KCNAB2: variants seen among roughly 807,000 people sequenced by gnomAD.
KCNAB2 encodes voltage-gated potassium channel subunit beta-2.
In KCNAB2, 29 loss-of-function variants were observed where a neutral mutation model predicts 63.6. The observed-to-expected ratio is 0.46, with a 90% CI of 0.34 to 0.62. KCNAB2 has a LOEUF of 0.62. KCNAB2 is among the 20% of genes least tolerant of loss of function. The pLI is 0.01. For synonymous variants in KCNAB2, 222 were observed against 224.2 expected, an observed-to-expected ratio of 0.99 and a Z score of 0.09; for missense variants, 359 against 563.9, an observed-to-expected ratio of 0.64 and a Z score of 3.68.
chr1:6,038,042 T>A (rs578100973), intron 1 of KCNAB2, among the ~76,000 whole-genome samples: 86 of 151,604 alleles, frequency 5.7e-4, no homozygotes, highest in Non-Finnish European at 1.2e-3. Flanking sequence ...ACCCAGCTAA[T>A]TTTTTTTGTA....
At chr1:5,992,739 G>A (rs1478709849), upstream of KCNAB2, 1 of 152,256 alleles carries the variant, frequency 6.6e-6, no homozygotes, top group African/African-American at 2.4e-5. Flanking sequence ...GGGGCAGGGC[G>A]GGAAGGAAGA....
Position 6,096,504 on chromosome 1 carries a change from G to A in KCNAB2, c.949-132G>A. On this transcript the variant is annotated intron_variant, in intron 13 of 15. Coordinates refer to ENST00000378083, the MANE Select transcript of KCNAB2 (RefSeq NM_001199862.2). The surrounding 1 kb of genome is among the most constrained non-coding windows in gnomAD (Gnocchi z 5.9). ...AGGCCTGGGGCAGGGGCACTGCCCT[G>A]GCTTCAAGATGAGAAGAGCCCCTAT... 1 of 1,264,318 alleles carries A rather than the reference G, an allele frequency of 7.9e-7. No individual in the cohort carries two copies. Among genetic ancestry groups the A allele is most frequent in the Non-Finnish European group, 1.1e-6 (1 of 930,370 alleles). The allele number at this position is 1,264,318 out of a possible 1,614,324, so 78.3% of individuals were successfully genotyped here. A position where few individuals can be genotyped will look rare whatever the true frequency, so the allele number is the denominator to read the frequency against.
At position 6,086,946 on chromosome 1, in the gene KCNAB2, T is replaced by A. The variant is rs1403333391; in HGVS notation, c.426-521T>A. On this transcript the variant is annotated intron_variant, in intron 6 of 15. Coordinates refer to ENST00000378083, the MANE Select transcript of KCNAB2 (RefSeq NM_001199862.2). The surrounding 1 kb of genome is among the most constrained non-coding windows in gnomAD (Gnocchi z 4.2). Reference sequence around the variant, plus strand: ...ACCAGGCCGTCCCACACAGATTTTCTGCAACACGTGTCACATTCTGTAGGG... The same window carrying A: ...ACCAGGCCGTCCCACACAGATTTTCAGCAACACGTGTCACATTCTGTAGGG... Among the ~76,000 whole-genome samples, 3 of 151,874 alleles carry A rather than the reference T, an allele frequency of 2.0e-5. No individual in the cohort carries two copies. Among genetic ancestry groups the A allele is most frequent in the African/African-American group, 7.3e-5 (3 of 41,296 alleles).
chr1:6,067,777 C>CCT (rs1462501778), intron 2 of KCNAB2, among the ~76,000 whole-genome samples: 4 of 152,116 alleles, frequency 2.6e-5, no homozygotes, highest in African/African-American at 9.7e-5. Flanking sequence ...TGCCTGTGAT[C>CCT]CCAGCACTTT....
intron 2 of KCNAB2, among the ~76,000 whole-genome samples, chr1:6,066,464 C>T (rs939546413): frequency 9.2e-5 from 14 of 152,312 alleles, no homozygotes; most frequent in Admixed American, 3.3e-4. Context: ...GTGGAGAATC[C>T]GGTCAGTGCT....
At chr1:6,047,448 GC>G (rs1661021806) in intron 1 of KCNAB2, among the ~76,000 whole-genome samples, 1 of 152,148 alleles carries the variant, frequency 6.6e-6, no homozygotes, top group Non-Finnish European at 1.5e-5. Context: ...CCCTGGGGCA[GC>G]CCTCCCAGAG....
At position 6,099,274 on chromosome 1, in the gene KCNAB2, C is replaced by T. The variant is rs1426321098; in HGVS notation, c.*700C>T. 6.5e-6 allele frequency: 1 copy of T among 153,172 alleles called. No individual in the cohort carries two copies. Among genetic ancestry groups the T allele is most frequent in the Non-Finnish European group, 1.5e-5 (1 of 68,766 alleles). The allele number at this position is 153,172 out of a possible 1,614,324, so 9.5% of individuals were successfully genotyped here. A position where few individuals can be genotyped will look rare whatever the true frequency, so the allele number is the denominator to read the frequency against. On this transcript the variant is annotated 3_prime_UTR_variant, in exon 16 of 16. Coordinates refer to ENST00000378083, the MANE Select transcript of KCNAB2 (RefSeq NM_001199862.2). The stretch of plus-strand genomic sequence containing the variant: ...CCCTTGCTGGCAGGGGCAGGGACCC[C>T]AGGGGGATTGACTCTGCAGTTTGGG...
At chr1:6,013,363 C>T (rs920138071) in intron 1 of KCNAB2, among the ~76,000 whole-genome samples, 17 of 152,062 alleles carry the variant, frequency 1.1e-4, no homozygotes, top group Non-Finnish European at 1.8e-4. Flanking sequence ...GCAGCCTCTC[C>T]GAAGAGATGA....
intron 1 of KCNAB2, among the ~76,000 whole-genome samples, chr1:6,009,650 G>A (rs1219095627): frequency 1.3e-5 from 2 of 152,190 alleles, no homozygotes; most frequent in Admixed American, 6.5e-5. Flanking sequence ...TCTGGAATTC[G>A]CTTTCTGCCC....
Position 6,071,513 on chromosome 1 carries a change from G to T in KCNAB2, c.219-1242G>T, listed in dbSNP as rs1464049503. On this transcript the variant is annotated intron_variant, in intron 2 of 15. Transcript: ENST00000378083. This position sits in a 1 kb window ranked among gnomAD's most constrained non-coding sequence, Gnocchi z 8.5. ...TGCTTAACAGGCTGGGGTGTGGGAT[G>T]CATGCCACCATGGTGGGGAACGTGA... 6.6e-6 allele frequency among the ~76,000 whole-genome samples: 1 copy of T among 152,234 alleles called. No individual in the cohort carries two copies. The highest frequency in any genetic ancestry group is 1.5e-5 in the Non-Finnish European group (1 of 68,038).
Position 6,009,891 on chromosome 1 carries a change from G to A in KCNAB2, c.-53+17103G>A, listed in dbSNP as rs187321605. 1.7e-3 allele frequency among the ~76,000 whole-genome samples: 229 copies of A among 135,372 alleles called. 7 individuals are homozygous for A. In the Admixed American group the frequency reaches 0.017, roughly 10 times the overall value. The allele number at this position is 135,372 out of a possible 152,430, so 88.8% of individuals were successfully genotyped here. On this transcript the variant is annotated intron_variant, in intron 1 of 16. Coordinates refer to the KCNAB2 transcript ENST00000341524. Reference sequence around the variant, plus strand: ...TTTTTTTCTTTTTTTTTTTTTTTCCGACAGGGTCTCACTCTGCCGCCCAGG... The same window carrying A: ...TTTTTTTCTTTTTTTTTTTTTTTCCAACAGGGTCTCACTCTGCCGCCCAGG...
At chr1:6,019,981 A>C (rs1658729276) in intron 1 of KCNAB2, among the ~76,000 whole-genome samples, 1 of 152,164 alleles carries the variant, frequency 6.6e-6, no homozygotes, top group South Asian at 2.1e-4. Flanking sequence ...GCAAAGGACC[A>C]TGTTGTCATT....
In KCNAB2 at chr1:6,069,775, C is replaced by T. The variant is rs6679367; in HGVS notation, c.219-2980C>T. On this transcript the variant is annotated intron_variant, in intron 2 of 15. Coordinates refer to ENST00000378083, the MANE Select transcript of KCNAB2 (RefSeq NM_001199862.2). The surrounding 1 kb of genome is among the most constrained non-coding windows in gnomAD (Gnocchi z 5.4). ...CATCCCTTCTCCCGAGGCCTGGCAGCGGATGGCAGAACCAATACCATCATT... is the reference window on the plus strand; with the variant it reads ...CATCCCTTCTCCCGAGGCCTGGCAGTGGATGGCAGAACCAATACCATCATT... 0.21 allele frequency among the ~76,000 whole-genome samples: 31,934 copies of T among 152,150 alleles called. 3,535 individuals are homozygous for T. Among genetic ancestry groups the T allele is most frequent in the East Asian group, 0.34 (1,761 of 5,176 alleles).
At position 6,073,874 on chromosome 1, in the gene KCNAB2, G is replaced by C; in HGVS notation, c.300+104G>C. On this transcript the variant is annotated intron_variant, in intron 4 of 15. Coordinates refer to ENST00000378083, the MANE Select transcript of KCNAB2 (RefSeq NM_001199862.2). The surrounding 1 kb of genome is among the most constrained non-coding windows in gnomAD (Gnocchi z 5.7). Reference sequence around the variant, plus strand: ...AGTGAGCACGTGCTCCCGGGAGCCAGCGCAGCAGCCTCCCTCCCTCTTTCT... The same window carrying C: ...AGTGAGCACGTGCTCCCGGGAGCCACCGCAGCAGCCTCCCTCCCTCTTTCT... 8.4e-7 allele frequency: 1 copy of C among 1,184,446 alleles called. No individual in the cohort carries two copies. 73.4% of individuals were successfully genotyped at this position (1,184,446 alleles called of 1,614,324 possible).
intron 2 of KCNAB2, among the ~76,000 whole-genome samples, chr1:6,062,178 G>A (rs993769596): frequency 3.0e-4 from 46 of 152,316 alleles, no homozygotes; most frequent in African/African-American, 1.1e-3. Context: ...GCCGAGCGCG[G>A]TGGCACATGC....
intron 2 of KCNAB2, 98 bp from the exon 3 acceptor site, chr1:6,072,657 T>C (rs1663305115): frequency 4.0e-6 from 5 of 1,258,322 alleles, no homozygotes; most frequent in Non-Finnish European, 5.8e-6. Context: ...ACATTGACTG[T>C]TGGGGGAGTG....
chr1:6,000,442 G>C (rs1657187748), intron 1 of KCNAB2, among the ~76,000 whole-genome samples: 1 of 152,206 alleles, frequency 6.6e-6, no homozygotes, highest in Non-Finnish European at 1.5e-5. Flanking sequence ...TTACAAGGCA[G>C]TGGGGGTGTC....
At chr1:6,097,933 T>C (rs1883769) in intron 15 of KCNAB2, 61,714 of 173,272 alleles carry the variant, frequency 0.36, 11,788 homozygotes, top group Middle Eastern at 0.44. Context: ...GGCTGCTCCA[T>C]CGGGGAGGCT....
chr1:6,096,506 C>T lies in KCNAB2; in HGVS notation c.949-130C>T. On this transcript the variant is annotated intron_variant, in intron 13 of 15. Coordinates refer to ENST00000378083, the MANE Select transcript of KCNAB2 (RefSeq NM_001199862.2). This position sits in a 1 kb window ranked among gnomAD's most constrained non-coding sequence, Gnocchi z 5.9. ...GCCTGGGGCAGGGGCACTGCCCTGGCTTCAAGATGAGAAGAGCCCCTATGA... is the reference window on the plus strand; with the variant it reads ...GCCTGGGGCAGGGGCACTGCCCTGGTTTCAAGATGAGAAGAGCCCCTATGA... 7.8e-7 allele frequency: 1 copy of T among 1,288,542 alleles called. No individual in the cohort carries two copies. Among genetic ancestry groups the T allele is most frequent in the East Asian group, 2.6e-5 (1 of 38,776 alleles). The allele number at this position is 1,288,542 out of a possible 1,614,324, so 79.8% of individuals were successfully genotyped here. A position where few individuals can be genotyped will look rare whatever the true frequency, so the allele number is the denominator to read the frequency against.
Sources: gnomAD v4.1 joint callset for allele counts (sites outside exome capture counted in the v4.1 genomes callset) on GRCh38, gnomAD v4.1.1 for gene constraint, Gnocchi (gnomAD v3.1) non-coding constraint, MANE v1.5 for transcripts, NCBI Gene and HGNC (gene_info 2026-07-23, HGNC 2026-07-21) for gene names.